Variants in TMOD4 observed in about 807,000 individuals in gnomAD.
The protein encoded by TMOD4 is tropomodulin 4.
TMOD4 carries 34 observed loss-of-function variants against 45.4 expected under a neutral mutation model. That is an observed-to-expected ratio of 0.75 (90% confidence interval 0.57 to 1.00). TMOD4 has a LOEUF of 1.00. TMOD4 is among the 50% of genes least tolerant of loss of function. The pLI is 0.00. For synonymous variants in TMOD4, 131 were observed against 153.9 expected (o/e 0.85, Z 1.10); for missense variants, 399 against 437.5 (o/e 0.91, Z 0.78).
At chr1:151,171,796 A>C (rs1683967178) in intron 5 of TMOD4, 33 bp from the exon 6 acceptor site, 1 of 1,598,982 alleles carries the variant, frequency 6.3e-7, no homozygotes, top group Non-Finnish European at 8.5e-7. Flanking sequence ...GAACCCCAAC[A>C]TGTTCCCCAT....
chr1:151,173,244 A>C (rs1216605533), intron 4 of TMOD4, among the ~76,000 whole-genome samples: 1 of 152,128 alleles, frequency 6.6e-6, no homozygotes, highest in Non-Finnish European at 1.5e-5. Flanking sequence ...CTGAGGTTAC[A>C]GGTGTGAGTC....
chr1:151,174,363 C>T (rs771951788), intron 3 of TMOD4, 28 bp downstream of exon 3: 36 of 1,606,816 alleles, frequency 2.2e-5, no homozygotes, highest in Middle Eastern at 3.3e-4. Context: ...TTGGGTTCTA[C>T]GAGGCATGGA....
At chr1:151,171,385 G>T in intron 7 of TMOD4, 48 bp downstream of exon 7, 1 of 1,504,078 alleles carries the variant, frequency 6.6e-7, no homozygotes, top group Non-Finnish European at 9.3e-7. Flanking sequence ...CATGCAACAG[G>T]TGCATGTAAG....
chr1:151,170,024 G>A lies in TMOD4; in HGVS notation c.*57C>T, dbSNP rs749822284. 2 of 1,596,936 alleles carry A rather than the reference G, an allele frequency of 1.3e-6. No homozygotes were observed. The highest frequency in any genetic ancestry group is 1.7e-6 in the Non-Finnish European group (2 of 1,164,482). On this transcript the variant is annotated 3_prime_UTR_variant, in exon 10 of 10. Coordinates refer to ENST00000295314, the MANE Select transcript of TMOD4 (RefSeq NM_013353.3). ...CTTTTATTTACAGGAAAGGAGGACA[G>A]ATGAGGATTTAAGTGTCCAGTGCTC...
chr1:151,171,525 T>G lies in TMOD4; in HGVS notation c.634A>C (p.Met212Leu), dbSNP rs751690480. ...ATTGCCTCACACAGCTCACTTAGCA[T>G]GGGTATTGGGATGTCCTATCGGAGG... ...LNNIQDIPIPMLSELCEAMKA... is the reference protein window; with the variant it reads ...LNNIQDIPIPLLSELCEAMKA... The change falls in exon 7 of 10, where the codon ATG (methionine) becomes CTG (leucine). Residue 212 changes from methionine to leucine, a missense_variant. Physicochemically the swap from Met to Leu is conservative, Grantham distance 15. Transcript: ENST00000295314. 1.9e-6 allele frequency: 3 copies of G among 1,614,056 alleles called. No individual in the cohort carries two copies. The highest frequency in any genetic ancestry group is 2.5e-6 in the Non-Finnish European group (3 of 1,180,030).
At position 151,171,662 on chromosome 1, in the gene TMOD4, G is replaced by T. The variant is rs1164152617; in HGVS notation, c.589C>A (p.Leu197Met). 1.9e-6 allele frequency: 3 copies of T among 1,613,972 alleles called. No homozygotes were observed. Among genetic ancestry groups the T allele is most frequent in the Non-Finnish European group, 2.5e-6 (3 of 1,180,012 alleles). ...LKRVRSNDKE[L>M]EEVNLNNIQD... ...ATATTATTCAAGTTCACCTCCTCCA[G>T]CTCCTTGTCATTGCTTCGGACCCTC... is the stretch of plus-strand genomic sequence containing the variant. Residue 197 changes from leucine to methionine, a missense_variant, in exon 6 of 10, where the codon CTG becomes ATG. Coordinates refer to ENST00000295314, the MANE Select transcript of TMOD4 (RefSeq NM_013353.3).
In TMOD4 at chr1:151,174,848, T is replaced by C. The variant is rs375022523; in HGVS notation, c.28A>G (p.Lys10Glu). MSSYQKELEKYRDIDEDEIL... is the reference protein window; with the variant it reads MSSYQKELEEYRDIDEDEIL... ...TCATCTTCATCTATGTCTCTGTATT[T>C]CTCCAGTTCCTTCTGATATGATGAC... The change falls in exon 2 of 10, where the codon AAA (lysine) becomes GAA (glutamate). Residue 10 changes from lysine to glutamate, a missense_variant. By Grantham distance (56) the Lys-to-Glu change is moderately conservative (BLOSUM62 1). Coordinates refer to ENST00000295314, the MANE Select transcript of TMOD4 (RefSeq NM_013353.3). 6.2e-7 allele frequency: 1 copy of C among 1,614,038 alleles called. No homozygotes were observed. The highest frequency in any genetic ancestry group is 8.5e-7 in the Non-Finnish European group (1 of 1,180,040).
chr1:151,173,312 C>T (rs1420242338), intron 4 of TMOD4, among the ~76,000 whole-genome samples, 187 bp downstream of exon 4: 1 of 152,136 alleles, frequency 6.6e-6, no homozygotes. Context: ...TGTAAAATTG[C>T]TCTTGAGGTG....
intron 9 of TMOD4, 128 bp from the exon 10 acceptor site, chr1:151,170,231 C>T: frequency 1.9e-6 from 2 of 1,056,162 alleles, no homozygotes; most frequent in Non-Finnish European, 2.8e-6. Flanking sequence ...CTTACAGGCC[C>T]ATCCCACATT....
intron 4 of TMOD4, 53 bp from the exon 5 acceptor site, chr1:151,172,410 G>A: frequency 7.2e-7 from 1 of 1,382,564 alleles, no homozygotes; most frequent in Admixed American, 1.7e-5. Flanking sequence ...CCTGTTCCAA[G>A]CCTCCCTCCT....
intron 7 of TMOD4, 117 bp downstream of exon 7, chr1:151,171,316 G>A (rs1440458566): frequency 4.1e-6 from 4 of 984,870 alleles, no homozygotes. Flanking sequence ...TCTCCATGAG[G>A]GCTGCCCTAA....
intron 1 of TMOD4, chr1:151,175,235 C>A: frequency 4.6e-6 from 1 of 218,296 alleles, no homozygotes. Context: ...CGCCCTAACA[C>A]AGCTGCTGGA....
Position 151,172,293 on chromosome 1 carries a change from T to C in TMOD4, c.462A>G (p.Glu154=), listed in dbSNP as rs186770409. The C allele has an allele frequency of 1.1e-4, 173 of 1,613,846 alleles. 1 individual carries two copies. The East Asian group carries it at 2.8e-3, about 26-fold the overall frequency. Reference sequence around the variant, plus strand: ...TGCTAATGCCTTCAGTGTTGCAGATTTCTCCACTGCAGAGGGCATCATAGT... The same window carrying C: ...TGCTAATGCCTTCAGTGTTGCAGATCTCTCCACTGCAGAGGGCATCATAGT... ...KQYYDALCSG[E]ICNTEGISSV... Residue 154 remains glutamate, a synonymous_variant, in exon 5 of 10, where the codon GAA becomes GAG. Transcript: ENST00000295314.
intron 9 of TMOD4, 185 bp downstream of exon 9, chr1:151,170,333 TG>T: frequency 1.1e-6 from 1 of 899,558 alleles, no homozygotes; most frequent in Non-Finnish European, 1.7e-6. Context: ...ACCTCTCTAC[TG>T]GTCCATATTT....
In TMOD4 at chr1:151,171,764, C is replaced by G. The variant is rs142974975; in HGVS notation, c.488-1G>C. The G allele has an allele frequency of 4.6e-5, 74 of 1,613,528 alleles. No individual in the cohort carries two copies. In the African/African-American group the frequency reaches 9.0e-4, roughly 20 times the overall value. ...TTATACTTGTCAGGCTGTACCACAC[C>G]TGGTGAATGAGGGCAGGAAGGGAAC... On this transcript the variant is annotated splice_acceptor_variant, in intron 5 of 9. Transcript: ENST00000295314. LOFTEE classifies it high-confidence loss of function.
chr1:151,174,140 C>T (rs587723082), intron 3 of TMOD4, among the ~76,000 whole-genome samples: 13 of 152,106 alleles, frequency 8.5e-5, no homozygotes, highest in African/African-American at 2.9e-4. Context: ...GGCGTGAACC[C>T]GGGAGGTGGA....
At chr1:151,173,698 G>T in intron 3 of TMOD4, 83 bp from the exon 4 acceptor site, 1 of 1,094,226 alleles carries the variant, frequency 9.1e-7, no homozygotes, top group Non-Finnish European at 1.4e-6. Flanking sequence ...TCCTCCAGGA[G>T]GTAGAATGCT....
At chr1:151,170,385 G>T in intron 9 of TMOD4, 134 bp downstream of exon 9, 1 of 1,375,552 alleles carries the variant, frequency 7.3e-7, no homozygotes. Context: ...GATCACTCTT[G>T]GGATTTGAAA....
In TMOD4 at chr1:151,170,499, T is replaced by C. The variant is rs1683916028; in HGVS notation, c.1015+20A>G. ...TGCACTTCCCTGACCACTCCACACA[T>C]CATGTCTGCAGTTACTCACGTAGTT... On this transcript the variant is annotated intron_variant, in intron 9 of 9. Coordinates refer to ENST00000295314, the MANE Select transcript of TMOD4 (RefSeq NM_013353.3). 1.2e-6 allele frequency: 2 copies of C among 1,613,850 alleles called. No individual in the cohort carries two copies. Among genetic ancestry groups the C allele is most frequent in the South Asian group, 2.2e-5 (2 of 91,070 alleles).
Sources: allele counts gnomAD v4.1 joint callset (sites outside exome capture counted in the v4.1 genomes callset), GRCh38; gene constraint gnomAD v4.1.1; transcripts MANE v1.5; gene names NCBI Gene and HGNC (gene_info 2026-07-23, HGNC 2026-07-21).